HK1: variants seen among roughly 807,000 people sequenced by gnomAD.
HK1 encodes the protein hexokinase-1.
HK1 carries 28 observed loss-of-function variants against 91.6 expected under a neutral mutation model. That is an observed-to-expected ratio of 0.31 (90% CI 0.23 to 0.42). The LOEUF (loss-of-function observed/expected upper bound fraction) is 0.42. Ranked by LOEUF, HK1 falls within the 10% of genes least tolerant of loss-of-function variation. HK1 has a pLI of 1.00. For missense variants in HK1, 770 were observed against 1,219.8 expected, an observed-to-expected ratio of 0.63 and a Z score of 5.49; for synonymous variants, 430 against 468.1, an observed-to-expected ratio of 0.92 and a Z score of 1.05.
At chr10:69,326,131 GC>G (rs1847361366) in intron 1 of HK1, among the ~76,000 whole-genome samples, 1 of 150,356 alleles carries the variant, frequency 6.7e-6, no homozygotes, top group African/African-American at 2.5e-5. Flanking sequence ...ACCGCGCCTG[GC>G]CGCTTTTTTT....
chr10:69,276,552 G>C (rs997564313), intron 1 of HK1, among the ~76,000 whole-genome samples: 5 of 151,792 alleles, frequency 3.3e-5, no homozygotes, highest in Admixed American at 6.6e-5. Context: ...CCAGCTACTC[G>C]GGAGGCTGAG....
intron 5 of HK1, among the ~76,000 whole-genome samples, chr10:69,306,940 T>C (rs998580581): frequency 1.3e-5 from 2 of 152,192 alleles, no homozygotes. Flanking sequence ...TTCACCACAT[T>C]TCCAGTGACT....
chr10:69,398,629 CTCCA>C lies in HK1; in HGVS notation c.2411_2414del (p.Leu804ArgfsTer3). 6.2e-7 allele frequency: 1 copy of C among 1,613,990 alleles called. No homozygotes were observed. Among genetic ancestry groups the C allele is most frequent in the Non-Finnish European group, 8.5e-7 (1 of 1,179,954 alleles). ...AGCACTGCTCCAGGTCCGGGCTATC[CTCCA>C]GCAGCTAGGTCTGAATAGCACCTGC... On this transcript the variant is annotated frameshift_variant, in exon 17 of 18. Transcript: ENST00000359426. LOFTEE classifies it high-confidence loss of function.
intron 1 of HK1, among the ~76,000 whole-genome samples, chr10:69,323,375 C>A (rs1293906283): frequency 2.0e-5 from 3 of 151,414 alleles, no homozygotes; most frequent in Admixed American, 1.3e-4. Context: ...TTTTTTTTAG[C>A]CTGCTTTGGT....
intron 1 of HK1, among the ~76,000 whole-genome samples, chr10:69,271,866 T>C (rs988083548): frequency 7.8e-4 from 118 of 151,622 alleles, no homozygotes; most frequent in African/African-American, 2.6e-3. Context: ...GATTTCTCTT[T>C]TTTTTTCTTT....
At chr10:69,317,086 C>A (rs1000607160), upstream of HK1, among the ~76,000 whole-genome samples, 4 of 152,250 alleles carry the variant, frequency 2.6e-5, no homozygotes, top group East Asian at 7.7e-4. Flanking sequence ...GAAAATAATT[C>A]AAATATAAAT....
Position 69,355,108 on chromosome 10 carries a change from A to G in HK1, c.227-4789A>G, listed in dbSNP as rs539165884. Reference sequence around the variant, plus strand: ...AAAAAAAAAAGATAGGAACAGTGACATTCAATGTGAGAATTCCTTGGTTTG... The same window carrying G: ...AAAAAAAAAAGATAGGAACAGTGACGTTCAATGTGAGAATTCCTTGGTTTG... On this transcript the variant is annotated intron_variant, in intron 2 of 17. Coordinates refer to ENST00000359426, the MANE Select transcript of HK1 (RefSeq NM_000188.3). Among the ~76,000 whole-genome samples, 4 of 151,080 alleles carry G rather than the reference A, an allele frequency of 2.6e-5. No individual in the cohort carries two copies. In the South Asian group the frequency reaches 6.3e-4, roughly 24 times the overall value.
At chr10:69,368,356 G>T (rs1189189855) in intron 4 of HK1, among the ~76,000 whole-genome samples, 180 bp from the exon 5 acceptor site, 1 of 152,230 alleles carries the variant, frequency 6.6e-6, no homozygotes, top group Non-Finnish European at 1.5e-5. Flanking sequence ...GAAGCCCATT[G>T]TGTGGATGAT....
Position 69,398,771 on chromosome 10 carries a change from T to A in HK1, c.2552T>A (p.Leu851Gln). The stretch of plus-strand genomic sequence containing the variant: ...GATAAGATCCGCGAGAACAGAGGAC[T>A]GGACCGTCTGAATGTGACTGTGGGA... ...VVDKIRENRG[L>Q]DRLNVTVGVD... The change falls in exon 17 of 18, where the codon CTG becomes CAG. Residue 851 changes from leucine (L) to glutamine (Q), a missense_variant. Physicochemically the swap from Leu to Gln is moderately radical, Grantham distance 113. Coordinates refer to ENST00000359426, the MANE Select transcript of HK1 (RefSeq NM_000188.3). 1 of 1,614,228 alleles carries A rather than the reference T, an allele frequency of 6.2e-7. No individual in the cohort carries two copies.
intron 1 of HK1, among the ~76,000 whole-genome samples, chr10:69,325,885 A>G (rs1847337050): frequency 6.7e-6 from 1 of 148,310 alleles, no homozygotes; most frequent in South Asian, 2.1e-4. Context: ...CCTGGGTTGT[A>G]GTACAGTAGC....
intron 3 of HK1, among the ~76,000 whole-genome samples, chr10:69,360,517 T>C (rs1849365788): frequency 6.6e-6 from 1 of 152,226 alleles, no homozygotes; most frequent in South Asian, 2.1e-4. Flanking sequence ...TCTGGGCTAT[T>C]TGGGGGCTTC....
Position 69,401,100 on chromosome 10 carries a change from G to T in HK1, c.2719G>T (p.Val907Leu). 2 of 1,614,096 alleles carry T rather than the reference G, an allele frequency of 1.2e-6. No individual in the cohort carries two copies. The highest frequency in any genetic ancestry group is 1.7e-6 in the Non-Finnish European group (2 of 1,180,022). Residue 907 changes from valine to leucine, a missense_variant, in exon 18 of 18, where the codon GTG becomes TTG. Val to Leu is a conservative substitution (Grantham distance 32). Transcript: ENST00000359426. ...CAAGGGGGCCGCCCTCATCACGGCC[G>T]TGGGCGTGCGGTTACGCACAGAGGC... is the stretch of plus-strand genomic sequence containing the variant. ...SGKGAALITA[V>L]GVRLRTEASS
At chr10:69,327,794 C>G (rs1847468489) in intron 1 of HK1, among the ~76,000 whole-genome samples, 1 of 152,196 alleles carries the variant, frequency 6.6e-6, no homozygotes, top group Admixed American at 6.5e-5. Context: ...CAGTTGTTTC[C>G]ATTCACATCA....
At chr10:69,332,268 C>A (rs1364359042) in intron 1 of HK1, among the ~76,000 whole-genome samples, 2 of 152,256 alleles carry the variant, frequency 1.3e-5, no homozygotes, top group African/African-American at 4.8e-5. Flanking sequence ...GTGTAAGCCA[C>A]AGTTTCCTCA....
At chr10:69,348,309 A>C (rs1270618799) in intron 2 of HK1, among the ~76,000 whole-genome samples, 1 of 152,192 alleles carries the variant, frequency 6.6e-6, no homozygotes, top group Non-Finnish European at 1.5e-5. Context: ...AAATATTCAT[A>C]CTACTGTTTT....
At chr10:69,375,812 G>T (rs1187518766) in intron 7 of HK1, among the ~76,000 whole-genome samples, 2 of 152,304 alleles carry the variant, frequency 1.3e-5, no homozygotes, top group East Asian at 1.9e-4. Flanking sequence ...ATATGGCATC[G>T]AGCCCTGGTT....
In HK1 at chr10:69,328,224, G is replaced by A. The variant is rs184164197; in HGVS notation, c.63+9214G>A. Among the ~76,000 whole-genome samples the A allele has an allele frequency of 1.4e-3, 212 of 152,252 alleles. 1 individual carries two copies. Among genetic ancestry groups the A allele is most frequent in the African/African-American group, 4.9e-3 (205 of 41,550 alleles). Reference sequence around the variant, plus strand: ...GCAGGGAAAACTGAACCGTGAAGTCGGCGGCTCAGCCCTTTGCACACAGAA... The same window carrying A: ...GCAGGGAAAACTGAACCGTGAAGTCAGCGGCTCAGCCCTTTGCACACAGAA... On this transcript the variant is annotated intron_variant, in intron 1 of 17. Transcript: ENST00000359426.
At chr10:69,282,604 C>T (rs1844803637) in exon 2 of HK1, 1 of 152,184 alleles carries the variant, frequency 6.6e-6, no homozygotes, top group Admixed American at 6.5e-5. Context: ...AACACCTACC[C>T]ACACCTGCTT....
chr10:69,302,325 G>T (rs1342991632), intron 5 of HK1, among the ~76,000 whole-genome samples: 2 of 151,478 alleles, frequency 1.3e-5, no homozygotes, highest in Non-Finnish European at 2.9e-5. Context: ...TTATATAGCT[G>T]CATGAACTGA....
Sources: gnomAD v4.1 joint callset for allele counts (sites outside exome capture counted in the v4.1 genomes callset) on GRCh38, gnomAD v4.1.1 for gene constraint, MANE v1.5 for transcripts, NCBI Gene and HGNC (gene_info 2026-07-23, HGNC 2026-07-21) for gene names.